The following CREB5 variants were observed in gnomAD, a reference collection of about 807,000 sequenced individuals.
CREB5 encodes cAMP responsive element binding protein 5.
Under a neutral mutation model 57.1 loss-of-function variants are expected in CREB5, and 19 were observed. That is an observed-to-expected ratio of 0.33 (90% CI 0.23 to 0.49). CREB5 has a LOEUF of 0.49. CREB5 is among the 20% of genes least tolerant of loss of function. The pLI, the probability that CREB5 is intolerant of heterozygous loss-of-function variation, is 0.99. For synonymous variants in CREB5, 238 were observed against 238.3 expected (o/e 1.00, Z 0.01); for missense variants, 579 against 671.6 (o/e 0.86, Z 1.52).
At chr7:28,312,507 A>C (rs1785298095) in intron 1 of CREB5, among the ~76,000 whole-genome samples, 1 of 152,142 alleles carries the variant, frequency 6.6e-6, no homozygotes, top group Non-Finnish European at 1.5e-5. Context: ...TCTGGTGTAC[A>C]AAGGGGGAGG....
At chr7:28,358,287 G>A (rs1413771737) in intron 1 of CREB5, among the ~76,000 whole-genome samples, 1 of 152,120 alleles carries the variant, frequency 6.6e-6, no homozygotes, top group East Asian at 1.9e-4. Context: ...GTTTAACTGG[G>A]GACTCCTGCT....
rs77162085 is a variant in CREB5 at position 28,754,969 on chromosome 7, G to A, written c.702+30637G>A. On this transcript the variant is annotated intron_variant, in intron 7 of 10. Coordinates refer to ENST00000357727, the MANE Select transcript of CREB5 (RefSeq NM_182898.4). Reference sequence around the variant, plus strand: ...ACCTGAGGCCTGAGCATATAAACTCGCATTAAGTAAAAAGATAGCACTCTC... The same window carrying A: ...ACCTGAGGCCTGAGCATATAAACTCACATTAAGTAAAAAGATAGCACTCTC... 6.0e-3 allele frequency among the ~76,000 whole-genome samples: 910 copies of A among 152,214 alleles called. 8 individuals carry two copies. Among genetic ancestry groups the A allele is most frequent in the South Asian group, 0.05 (240 of 4,826 alleles).
At chr7:28,390,140 C>T (rs1371715745) in intron 1 of CREB5, among the ~76,000 whole-genome samples, 1 of 151,608 alleles carries the variant, frequency 6.6e-6, no homozygotes, top group East Asian at 1.9e-4. Context: ...ACATAACCAT[C>T]GCTTATTTGT....
chr7:28,548,535 C>A (rs769657999), intron 4 of CREB5, among the ~76,000 whole-genome samples: 1 of 152,086 alleles, frequency 6.6e-6, no homozygotes, highest in Non-Finnish European at 1.5e-5. Context: ...TGGGGCCAAA[C>A]GAATGTGGAG....
intron 6 of CREB5, among the ~76,000 whole-genome samples, chr7:28,720,460 A>G (rs2237346): frequency 0.69 from 104,781 of 152,108 alleles, 36,698 homozygotes; most frequent in Admixed American, 0.76. Flanking sequence ...TGAGTGAAGA[A>G]TTGTGGCTGG....
At chr7:28,688,589 C>T (rs1801072071) in intron 5 of CREB5, among the ~76,000 whole-genome samples, 1 of 152,110 alleles carries the variant, frequency 6.6e-6, no homozygotes. Flanking sequence ...AGACAATACT[C>T]CTATTCTTCA....
chr7:28,805,942 A>G (rs1180004301), intron 8 of CREB5, among the ~76,000 whole-genome samples: 1 of 152,180 alleles, frequency 6.6e-6, no homozygotes, highest in Admixed American at 6.5e-5. Flanking sequence ...TAGCAATCAA[A>G]TGCTATCCAG....
Position 28,824,474 on chromosome 7 carries a change from A to G in CREB5, c.*5195A>G, listed in dbSNP as rs1217726320. The G allele has an allele frequency of 6.6e-6, 1 of 152,638 alleles. No homozygotes were observed. 9.5% of individuals were successfully genotyped at this position (152,638 alleles called of 1,614,324 possible). On this transcript the variant is annotated 3_prime_UTR_variant, in exon 11 of 11. Coordinates refer to ENST00000357727, the MANE Select transcript of CREB5 (RefSeq NM_182898.4). ...GATTTCATTCCTAGGTCTCAAAAAT[A>G]CAATGTTGCCTTGTAACATAATTAG...
chr7:28,387,333 G>A (rs937953976), intron 1 of CREB5, among the ~76,000 whole-genome samples: 14 of 152,098 alleles, frequency 9.2e-5, no homozygotes, highest in Non-Finnish European at 1.8e-4. Flanking sequence ...GATCAGTGAT[G>A]TTGAGCTTTT....
At chr7:28,658,951 G>GTATATA (rs71555759) in intron 5 of CREB5, among the ~76,000 whole-genome samples, 1 of 46,984 alleles carries the variant, frequency 2.1e-5, no homozygotes, top group Non-Finnish European at 4.7e-5. Flanking sequence ...ATGTGTGTGT[G>GTATATA]TGTATATATA....
intron 7 of CREB5, among the ~76,000 whole-genome samples, chr7:28,753,385 C>G (rs189450638): frequency 2.0e-5 from 3 of 152,258 alleles, no homozygotes; most frequent in African/African-American, 4.8e-5. Context: ...TGCATACACA[C>G]ACACACACAC....
At chr7:28,402,111 G>A (rs1787478372) in intron 1 of CREB5, among the ~76,000 whole-genome samples, 2 of 152,168 alleles carry the variant, frequency 1.3e-5, no homozygotes, top group South Asian at 4.1e-4. Flanking sequence ...ATTCCAACTG[G>A]TGTGAGATGG....
intron 5 of CREB5, among the ~76,000 whole-genome samples, chr7:28,698,286 C>T (rs188885973): frequency 8.0e-5 from 12 of 150,302 alleles, no homozygotes; most frequent in Admixed American, 3.3e-4. Context: ...AAAAGGCCTG[C>T]GGGACTTAGC....
intron 5 of CREB5, among the ~76,000 whole-genome samples, chr7:28,662,776 T>G (rs1022736594): frequency 1.3e-5 from 2 of 152,070 alleles, no homozygotes; most frequent in Non-Finnish European, 1.5e-5. Flanking sequence ...GTCTGCCCAT[T>G]TTGCTTCACT....
intron 7 of CREB5, among the ~76,000 whole-genome samples, chr7:28,776,194 CGG>C (rs1806621254): frequency 6.6e-6 from 1 of 151,862 alleles, no homozygotes; most frequent in Non-Finnish European, 1.5e-5. Flanking sequence ...AAAAATTAGC[CGG>C]GTGTGGTGGC....
intron 2 of CREB5, among the ~76,000 whole-genome samples, chr7:28,490,588 C>T (rs1348888688): frequency 1.3e-5 from 2 of 152,176 alleles, no homozygotes; most frequent in East Asian, 1.9e-4. Context: ...AGCTTGGCAC[C>T]GTTAATATTT....
At chr7:28,783,625 G>C (rs1302271309) in intron 7 of CREB5, among the ~76,000 whole-genome samples, 3 of 152,076 alleles carry the variant, frequency 2.0e-5, no homozygotes, top group Admixed American at 2.0e-4. Flanking sequence ...CTACCACAGG[G>C]TTAGTAGCAG....
At chr7:28,380,149 A>T (rs976226324) in intron 1 of CREB5, among the ~76,000 whole-genome samples, 12 of 152,192 alleles carry the variant, frequency 7.9e-5, no homozygotes, top group Non-Finnish European at 1.8e-4. Context: ...GAAGAAGCTT[A>T]TCTGTCAAAT....
intron 5 of CREB5, among the ~76,000 whole-genome samples, chr7:28,659,435 ATTC>A (rs747414944): frequency 2.0e-5 from 3 of 152,238 alleles, no homozygotes; most frequent in East Asian, 3.9e-4. Context: ...AATCCTTTTT[ATTC>A]TTCTCTCAGT....
Sources: gnomAD v4.1 joint callset for allele counts (sites outside exome capture counted in the v4.1 genomes callset) on GRCh38, gnomAD v4.1.1 for gene constraint, MANE v1.5 for transcripts, NCBI Gene and HGNC (gene_info 2026-07-23, HGNC 2026-07-21) for gene names.